HM13: variants seen among roughly 807,000 people sequenced by gnomAD.
The protein encoded by HM13 is signal peptide peptidase.
In HM13, 18 loss-of-function variants were observed where a neutral mutation model predicts 50.0. The observed-to-expected ratio is 0.36, with a 90% CI of 0.25 to 0.53. The LOEUF (loss-of-function observed/expected upper bound fraction) is 0.53, where lower values mean the gene tolerates loss of function less well. HM13 is among the 20% of genes least tolerant of loss of function. HM13 has a pLI of 0.90. For missense variants in HM13, 393 were observed against 552.4 expected, an observed-to-expected ratio of 0.71 and a Z score of 2.89; for synonymous variants, 197 against 232.6, an observed-to-expected ratio of 0.85 and a Z score of 1.39.
At chr20:31,524,981 G>A (rs1982403575) in intron 1 of HM13, among the ~76,000 whole-genome samples, 1 of 152,014 alleles carries the variant, frequency 6.6e-6, no homozygotes. Flanking sequence ...CCAAAGTGCT[G>A]GGATTACAAG....
Position 31,545,028 on chromosome 20 carries a change from C to G in HM13, c.447C>G (p.Asn149Lys). The G allele has an allele frequency of 6.2e-7, 1 of 1,613,756 alleles. No individual in the cohort carries two copies. The highest frequency in any genetic ancestry group is 1.3e-5 in the African/African-American group (1 of 75,036). Residue 149 changes from asparagine (N) to lysine (K), a missense_variant, in exon 4 of 13, where the codon AAC becomes AAG. Coordinates refer to ENST00000398174, the MANE Select transcript of HM13 (RefSeq NM_178581.3). ...TCTTCACACAGGGTTCTGGGGAAAA[C>G]AAGGAAGGTCAGTGCTAACCACTTT... ...QLLFTQGSGE[N>K]KEEIINYEFD...
chr20:31,552,075 G>A (rs6058087), intron 7 of HM13, among the ~76,000 whole-genome samples: 38,664 of 151,698 alleles, frequency 0.25, 7,088 homozygotes, highest in African/African-American at 0.52. Flanking sequence ...GTGTACACGG[G>A]GAGGGCATTT....
intron 10 of HM13, among the ~76,000 whole-genome samples, chr20:31,565,765 T>A (rs563712540): frequency 1.1e-4 from 17 of 152,214 alleles, no homozygotes; most frequent in African/African-American, 4.1e-4. Context: ...ACCAGCTAGG[T>A]CACCTTAATA....
At chr20:31,553,051 A>T (rs557365712) in intron 7 of HM13, among the ~76,000 whole-genome samples, 2 of 152,222 alleles carry the variant, frequency 1.3e-5, no homozygotes, top group Non-Finnish European at 2.9e-5. Context: ...TAATCCCAGC[A>T]CTTTGGGAAG....
At chr20:31,566,577 T>C (rs980816404) in intron 11 of HM13, among the ~76,000 whole-genome samples, 1 of 152,096 alleles carries the variant, frequency 6.6e-6, no homozygotes, top group Admixed American at 6.5e-5. Flanking sequence ...TGTGGATTTT[T>C]CTCTGCCTAC....
intron 12 of HM13, among the ~76,000 whole-genome samples, chr20:31,568,438 C>T (rs375963184): frequency 6.6e-6 from 1 of 152,212 alleles, no homozygotes; most frequent in South Asian, 2.1e-4. Flanking sequence ...ACCAGTAATG[C>T]GGGGCCCACA....
chr20:31,563,524 A>AT (rs1171754049), intron 10 of HM13: 1 of 152,000 alleles, frequency 6.6e-6, no homozygotes, highest in Admixed American at 6.6e-5. Context: ...GGGTATCACC[A>AT]TGTTGGCCAG....
chr20:31,542,732 G>A (rs1983517152), intron 3 of HM13, among the ~76,000 whole-genome samples: 1 of 152,176 alleles, frequency 6.6e-6, no homozygotes, highest in African/African-American at 2.4e-5. Flanking sequence ...TATCAATCTA[G>A]AGACTTGCTA....
Position 31,544,899 on chromosome 20 carries a change from C to T in HM13, c.366-48C>T, listed in dbSNP as rs903354730. ...TGGGGCAGGGGTGTGTTAAGGCTGACTGCCCATGGGGGCTCTGTTTGCCGA... is the reference window on the plus strand; with the variant it reads ...TGGGGCAGGGGTGTGTTAAGGCTGATTGCCCATGGGGGCTCTGTTTGCCGA... On this transcript the variant is annotated intron_variant, in intron 3 of 12. Coordinates refer to ENST00000398174, the MANE Select transcript of HM13 (RefSeq NM_178581.3). 8.0e-6 allele frequency: 12 copies of T among 1,506,320 alleles called. No individual in the cohort carries two copies. The Admixed American group carries it at 1.5e-4, about 19-fold the overall frequency. The allele number at this position is 1,506,320 out of a possible 1,614,324, so 93.3% of individuals were successfully genotyped here.
intron 1 of HM13, among the ~76,000 whole-genome samples, chr20:31,525,009 G>T (rs1012595179): frequency 1.3e-5 from 2 of 152,056 alleles, no homozygotes; most frequent in African/African-American, 4.8e-5. Context: ...CATTGTGCCC[G>T]GCCTCTGTGG....
intron 4 of HM13, chr20:31,548,007 T>G (rs945800988): frequency 1.9e-5 from 31 of 1,591,794 alleles, no homozygotes; most frequent in Non-Finnish European, 2.2e-5. Flanking sequence ...AAAATATCCA[T>G]TATTTAAATG....
At chr20:31,524,988 C>T (rs1331529546) in intron 1 of HM13, among the ~76,000 whole-genome samples, 1 of 152,128 alleles carries the variant, frequency 6.6e-6, no homozygotes, top group East Asian at 1.9e-4. Flanking sequence ...GCTGGGATTA[C>T]AAGCGTGAGC....
intron 10 of HM13, among the ~76,000 whole-genome samples, chr20:31,564,401 A>C (rs989114207): frequency 6.6e-6 from 1 of 152,100 alleles, no homozygotes; most frequent in Non-Finnish European, 1.5e-5. Context: ...AAATGGTGAC[A>C]ACCAGTCTCT....
At chr20:31,536,772 C>T (rs1430288387) in intron 2 of HM13, among the ~76,000 whole-genome samples, 3 of 152,230 alleles carry the variant, frequency 2.0e-5, no homozygotes, top group African/African-American at 7.2e-5. Context: ...TGACGCTCCT[C>T]CTATGTCCTC....
At position 31,538,270 on chromosome 20, in the gene HM13, G is replaced by C. The variant is rs781269383; in HGVS notation, c.365+9G>C. 6 of 1,614,104 alleles carry C rather than the reference G, an allele frequency of 3.7e-6. No homozygotes were observed. Among genetic ancestry groups the C allele is most frequent in the Non-Finnish European group, 4.2e-6 (5 of 1,180,024 alleles). The stretch of plus-strand genomic sequence containing the variant: ...CTGTCCCACACCATCAGGTCAGAAG[G>C]CATCTCTCTGCAACATTTGAAGCAG... On this transcript the variant is annotated intron_variant, in intron 3 of 12. Transcript: ENST00000398174.
intron 6 of HM13, 51 bp from the exon 7 acceptor site, chr20:31,550,013 C>T: frequency 7.4e-7 from 1 of 1,349,454 alleles, no homozygotes; most frequent in South Asian, 1.2e-5. Flanking sequence ...GCCATTCTTC[C>T]CCCCACAGCC....
chr20:31,548,116 CTG>C (rs1344762916), intron 4 of HM13: 5 of 1,032,178 alleles, frequency 4.8e-6, no homozygotes, highest in Admixed American at 3.5e-5. Flanking sequence ...GTGTTTGTGT[CTG>C]TGTGTGACAG....
At chr20:31,546,898 G>A (rs528733721) in intron 4 of HM13, among the ~76,000 whole-genome samples, 1 of 152,232 alleles carries the variant, frequency 6.6e-6, no homozygotes, top group South Asian at 2.1e-4. Context: ...ACTCCAGCCT[G>A]GGCGACAGAG....
At chr20:31,523,042 T>TGGGGGG (rs1568779700) in intron 1 of HM13, among the ~76,000 whole-genome samples, 1 of 116,422 alleles carries the variant, frequency 8.6e-6, no homozygotes, top group African/African-American at 4.8e-5. Context: ...GGGGTTTTTT[T>TGGGGGG]TGGGAGGGGG....
Sources: allele counts gnomAD v4.1 joint callset (sites outside exome capture counted in the v4.1 genomes callset), GRCh38; gene constraint gnomAD v4.1.1; transcripts MANE v1.5; gene names NCBI Gene and HGNC (gene_info 2026-07-23, HGNC 2026-07-21).